The following OSBPL10 variants were observed in gnomAD, a reference collection of about 807,000 sequenced individuals.
OSBPL10 encodes the protein oxysterol-binding protein-related protein 10.
Under a neutral mutation model 81.7 loss-of-function variants are expected in OSBPL10, and 49 were observed. That is an observed-to-expected ratio of 0.60 (90% CI 0.48 to 0.76). OSBPL10 has a LOEUF of 0.76. Among genes scored for constraint, OSBPL10 ranks in the 30% least tolerant of loss-of-function variants. OSBPL10 has a pLI of 0.00. For missense variants in OSBPL10, 923 were observed against 987.8 expected, an observed-to-expected ratio of 0.93 and a Z score of 0.88; for synonymous variants, 419 against 383.6, an observed-to-expected ratio of 1.09 and a Z score of -1.08.
chr3:31,685,462 C>T (rs1194491315), intron 7 of OSBPL10, among the ~76,000 whole-genome samples: 2 of 152,166 alleles, frequency 1.3e-5, no homozygotes, highest in African/African-American at 4.8e-5. Flanking sequence ...CTTGGCCTCC[C>T]AAACAGTTAT....
At position 32,013,835 on chromosome 3, in the gene OSBPL10, G is replaced by GA. The variant is rs1346831943; in HGVS notation, n.298+32655dup. 4.6e-5 allele frequency among the ~76,000 whole-genome samples: 7 copies of GA among 152,278 alleles called. No homozygotes were observed. In the East Asian group the frequency reaches 1.3e-3, roughly 29 times the overall value. On this transcript the variant is annotated intron_variant and non_coding_transcript_variant, in intron 2 of 3. Coordinates refer to the OSBPL10 transcript ENST00000479173. ...TAAACACCTCTATGCAAATAAACTTGAAAATCTAGAAGAAATGGATAAATT... is the reference window on the plus strand; with the variant it reads ...TAAACACCTCTATGCAAATAAACTTGAAAAATCTAGAAGAAATGGATAAATT...
intron 1 of OSBPL10, among the ~76,000 whole-genome samples, chr3:31,966,569 A>G (rs187600570): frequency 6.6e-6 from 1 of 152,180 alleles, no homozygotes; most frequent in East Asian, 1.9e-4. Flanking sequence ...AAGAAACACG[A>G]ACAAGTTACC....
chr3:32,030,130 A>G (rs920108787), intron 2 of OSBPL10: 1 of 198,236 alleles, frequency 5.0e-6, no homozygotes, highest in Non-Finnish European at 1.0e-5. Flanking sequence ...TTCTTAAGAA[A>G]GCAAGTGATA....
intron 4 of OSBPL10, among the ~76,000 whole-genome samples, chr3:31,784,093 C>T (rs143853606): frequency 0.023 from 3,467 of 151,524 alleles, 308 homozygotes; most frequent in Admixed American, 0.17. Context: ...AATCCCAGCA[C>T]TTTGGGAGGC....
chr3:31,990,644 A>T lies in OSBPL10; in HGVS notation n.298+55847T>A, dbSNP rs147263137. The T allele has an allele frequency of 2.0e-4, 328 of 1,614,192 alleles. 2 individuals are homozygous for T. The African/African-American group carries it at 3.8e-3, about 19-fold the overall frequency. The stretch of plus-strand genomic sequence containing the variant: ...GAATGTGGCAAGGTTTTTAATCAAC[A>T]AGCAACCCTTGCACGTCATCATAGA... On this transcript the variant is annotated intron_variant and non_coding_transcript_variant, in intron 2 of 3. Coordinates refer to the OSBPL10 transcript ENST00000479173.
chr3:32,072,596 A>T (rs942392412), intron 1 of OSBPL10, among the ~76,000 whole-genome samples: 1 of 152,130 alleles, frequency 6.6e-6, no homozygotes, highest in Non-Finnish European at 1.5e-5. Flanking sequence ...TTTCCTTTCC[A>T]TCGTGAAAAT....
At chr3:31,942,787 C>G (rs1697575673) in intron 1 of OSBPL10, among the ~76,000 whole-genome samples, 1 of 152,128 alleles carries the variant, frequency 6.6e-6, no homozygotes, top group Non-Finnish European at 1.5e-5. Context: ...AAATAGCAAA[C>G]ACACAATTAG....
intron 3 of OSBPL10, among the ~76,000 whole-genome samples, chr3:31,844,377 G>T (rs7633447): frequency 0.76 from 115,017 of 152,182 alleles, 43,617 homozygotes; most frequent in South Asian, 0.89. Context: ...AGCCCTATAT[G>T]CACAATAGTC....
chr3:31,839,772 A>G (rs985268642), intron 3 of OSBPL10, among the ~76,000 whole-genome samples: 1 of 151,360 alleles, frequency 6.6e-6, no homozygotes, highest in African/African-American at 2.4e-5. Context: ...AGTTGAGGTC[A>G]ACAGGTTAGG....
intron 2 of OSBPL10, among the ~76,000 whole-genome samples, chr3:31,994,491 AGGATGGATGGATGGATGGAT>A (rs200832488): frequency 1.1e-4 from 16 of 149,766 alleles, no homozygotes; most frequent in South Asian, 6.4e-4. Context: ...AGGGAAAAAA[AGGATGGATGGATGGATGGAT>A]GGATGGATGG....
chr3:31,805,864 A>G (rs952322056), intron 4 of OSBPL10, among the ~76,000 whole-genome samples: 1 of 152,210 alleles, frequency 6.6e-6, no homozygotes, highest in African/African-American at 2.4e-5. Flanking sequence ...AATAACGATG[A>G]CGATGGTAGC....
intron 1 of OSBPL10, among the ~76,000 whole-genome samples, chr3:31,956,361 A>G (rs1436535554): frequency 1.3e-5 from 2 of 152,216 alleles, no homozygotes; most frequent in East Asian, 3.9e-4. Context: ...GGTCTCCCAG[A>G]AAAGCAAACT....
At chr3:32,040,737 T>C (rs1699567149) in intron 2 of OSBPL10, among the ~76,000 whole-genome samples, 2 of 152,100 alleles carry the variant, frequency 1.3e-5, no homozygotes, top group South Asian at 4.1e-4. Context: ...AACAGGAGGC[T>C]GAGGTGGGAA....
chr3:31,949,135 T>A (rs1697788395), intron 1 of OSBPL10, among the ~76,000 whole-genome samples: 1 of 151,672 alleles, frequency 6.6e-6, no homozygotes, highest in Non-Finnish European at 1.5e-5. Flanking sequence ...GAAAGAGGAG[T>A]TTTAGGTTGG....
chr3:31,981,190 C>T lies in OSBPL10; in HGVS notation c.-11G>A, dbSNP rs1273893466. 1 of 1,409,874 alleles carries T rather than the reference C, an allele frequency of 7.1e-7. No homozygotes were observed. Among genetic ancestry groups the T allele is most frequent in the Non-Finnish European group, 9.2e-7 (1 of 1,088,706 alleles). 87.3% of individuals were successfully genotyped at this position (1,409,874 alleles called of 1,614,324 possible). On this transcript the variant is annotated 5_prime_UTR_variant, in exon 1 of 12. Coordinates refer to ENST00000396556, the MANE Select transcript of OSBPL10 (RefSeq NM_017784.5). The surrounding 1 kb of genome is among the most constrained non-coding windows in gnomAD (Gnocchi z 4.5). The stretch of plus-strand genomic sequence containing the variant: ...GACTGCCCTCTCCATGGTCCGTGGG[C>T]GCCCGGGACGCGGGTGCCCGCCGCG...
At chr3:31,853,266 CAACT>C (rs1016495136) in intron 3 of OSBPL10, among the ~76,000 whole-genome samples, 1 of 152,074 alleles carries the variant, frequency 6.6e-6, no homozygotes, top group Admixed American at 6.5e-5. Flanking sequence ...AGGCAGGTGC[CAACT>C]AATTAACAAA....
chr3:31,823,869 T>TGA (rs1216616817), intron 4 of OSBPL10, among the ~76,000 whole-genome samples: 13 of 149,248 alleles, frequency 8.7e-5, no homozygotes, highest in African/African-American at 2.5e-5. Context: ...TGTGTGTGTG[T>TGA]GAAATGGAGT....
At chr3:31,859,175 G>T (rs61162169) in intron 3 of OSBPL10, among the ~76,000 whole-genome samples, 3,827 of 151,222 alleles carry the variant, frequency 0.025, 176 homozygotes, top group African/African-American at 0.09. Context: ...TTTTTTTTTT[G>T]TTGTTGTTTT....
At chr3:31,781,803 T>C (rs961505728) in intron 4 of OSBPL10, among the ~76,000 whole-genome samples, 4 of 152,152 alleles carry the variant, frequency 2.6e-5, no homozygotes, top group Non-Finnish European at 4.4e-5. Context: ...AAAGAAATCA[T>C]AGATGACACA....
Sources: gnomAD v4.1 joint callset for allele counts (sites outside exome capture counted in the v4.1 genomes callset) on GRCh38, gnomAD v4.1.1 for gene constraint, Gnocchi (gnomAD v3.1) non-coding constraint, MANE v1.5 for transcripts, NCBI Gene and HGNC (gene_info 2026-07-23, HGNC 2026-07-21) for gene names.